COBL: variants seen among roughly 807,000 people sequenced by gnomAD.
COBL encodes the protein cordon-bleu WH2 repeat protein.
COBL carries 51 observed loss-of-function variants against 98.8 expected under a neutral mutation model. The observed-to-expected ratio is 0.52, with a 90% CI of 0.41 to 0.65. The LOEUF is 0.65. Among genes scored for constraint, COBL ranks in the 30% least tolerant of loss-of-function variants. The pLI is 0.00. For synonymous variants in COBL, 634 were observed against 651.7 expected, an observed-to-expected ratio of 0.97 and a Z score of 0.41; for missense variants, 1,617 against 1,617.5, an observed-to-expected ratio of 1.00 and a Z score of 0.01.
chr7:51,052,503 C>A (rs1790341790), intron 7 of COBL, among the ~76,000 whole-genome samples: 1 of 152,188 alleles, frequency 6.6e-6, no homozygotes. Flanking sequence ...ATTTCTGGGG[C>A]CTCACCTTTG....
chr7:51,226,110 A>C (rs1341654656), intron 1 of COBL, among the ~76,000 whole-genome samples: 1 of 152,182 alleles, frequency 6.6e-6, no homozygotes, highest in Non-Finnish European at 1.5e-5. Flanking sequence ...AGAAAAGTGG[A>C]CTGGGAAATC....
At chr7:51,211,690 G>A (rs1037910679) in intron 2 of COBL, among the ~76,000 whole-genome samples, 4 of 152,192 alleles carry the variant, frequency 2.6e-5, no homozygotes, top group South Asian at 2.1e-4. Context: ...GCAGAATAGA[G>A]TTTCTCCAAT....
intron 6 of COBL, among the ~76,000 whole-genome samples, chr7:51,087,685 A>G (rs1794410590): frequency 6.7e-6 from 1 of 149,984 alleles, no homozygotes; most frequent in African/African-American, 2.5e-5. Context: ...TGTTGGCCAG[A>G]CTGGTCTTGA....
chr7:51,074,147 T>C (rs546264299), intron 7 of COBL, among the ~76,000 whole-genome samples: 1 of 152,000 alleles, frequency 6.6e-6, no homozygotes, highest in Non-Finnish European at 1.5e-5. Context: ...GAATGCCTGA[T>C]TCATAATCTC....
At chr7:51,105,094 C>A (rs994079465) in intron 6 of COBL, among the ~76,000 whole-genome samples, 1 of 151,950 alleles carries the variant, frequency 6.6e-6, no homozygotes, top group Non-Finnish European at 1.5e-5. Context: ...CCATATTACT[C>A]GACCACTGAG....
intron 8 of COBL, among the ~76,000 whole-genome samples, chr7:51,037,735 C>T (rs1300086675): frequency 3.3e-5 from 5 of 152,230 alleles, no homozygotes; most frequent in Non-Finnish European, 5.9e-5. Context: ...GTTCCCTTTA[C>T]AAGGTCAAAT....
At chr7:51,187,299 T>C (rs886355341) in intron 4 of COBL, among the ~76,000 whole-genome samples, 5 of 139,194 alleles carry the variant, frequency 3.6e-5, no homozygotes, top group African/African-American at 5.5e-5. Flanking sequence ...TACATATATG[T>C]ATATGTTTAA....
intron 12 of COBL, among the ~76,000 whole-genome samples, chr7:51,019,962 C>G (rs1382069812): frequency 6.6e-6 from 1 of 152,194 alleles, no homozygotes; most frequent in Non-Finnish European, 1.5e-5. Flanking sequence ...CCTCCTGTTA[C>G]TGTCACATGT....
intron 6 of COBL, 128 bp downstream of exon 6, chr7:51,136,030 C>G (rs1799201100): frequency 1.7e-6 from 2 of 1,196,072 alleles, no homozygotes; most frequent in African/African-American, 3.1e-5. Context: ...AGCTTAAATA[C>G]TTGCCCCCAA....
chr7:51,028,715 G>C lies in COBL; in HGVS notation c.2381C>G (p.Thr794Ser). 6.2e-7 allele frequency: 1 copy of C among 1,614,088 alleles called. No homozygotes were observed. Among genetic ancestry groups the C allele is most frequent in the Non-Finnish European group, 8.5e-7 (1 of 1,179,976 alleles). ...ATTCTGCGTCTGCGTGGGCACAGGG[G>C]TGGAGGGGGGTCCCCTGGCAGAGCT... ...SESSARGPPS[T>S]PVPTQTQNPE... The change falls in exon 10 of 13, where the codon ACC becomes AGC. Residue 794 changes from threonine (T) to serine (S), a missense_variant. By Grantham distance (58) the Thr-to-Ser change is moderately conservative. Coordinates refer to ENST00000265136, the MANE Select transcript of COBL (RefSeq NM_015198.5).
chr7:51,150,839 T>G (rs939039604), intron 5 of COBL, among the ~76,000 whole-genome samples: 2 of 152,184 alleles, frequency 1.3e-5, no homozygotes, highest in Non-Finnish European at 2.9e-5. Flanking sequence ...TCTATTTTTC[T>G]TAGCACAAAA....
At chr7:51,106,820 GGCAT>G (rs1234507186) in intron 6 of COBL, among the ~76,000 whole-genome samples, 3 of 151,962 alleles carry the variant, frequency 2.0e-5, no homozygotes, top group African/African-American at 7.3e-5. Flanking sequence ...AAAAATACTG[GGCAT>G]GCTTCATGGA....
intron 7 of COBL, among the ~76,000 whole-genome samples, chr7:51,062,785 G>T (rs908642016): frequency 6.6e-6 from 1 of 152,208 alleles, no homozygotes; most frequent in African/African-American, 2.4e-5. Context: ...ACCAGGGACT[G>T]CGTCTGCAGG....
At chr7:51,125,721 C>T (rs1419754387) in intron 6 of COBL, among the ~76,000 whole-genome samples, 2 of 152,056 alleles carry the variant, frequency 1.3e-5, no homozygotes, top group Admixed American at 1.3e-4. Context: ...TGGCACTTTC[C>T]CCACATATTC....
chr7:51,080,258 A>G (rs182900319), intron 7 of COBL, among the ~76,000 whole-genome samples: 1 of 152,352 alleles, frequency 6.6e-6, no homozygotes, highest in East Asian at 1.9e-4. Context: ...ATCTGCGCAC[A>G]AATCCATTAT....
At chr7:51,061,586 G>A (rs754453510) in intron 7 of COBL, among the ~76,000 whole-genome samples, 10 of 152,258 alleles carry the variant, frequency 6.6e-5, no homozygotes, top group South Asian at 2.1e-4. Flanking sequence ...GTTCGGGTAC[G>A]TGGTGAAACG....
intron 6 of COBL, among the ~76,000 whole-genome samples, chr7:51,134,846 T>C (rs947236651): frequency 6.6e-6 from 1 of 152,190 alleles, no homozygotes; most frequent in Non-Finnish European, 1.5e-5. Flanking sequence ...CATGGATGCA[T>C]ACAACAAAAA....
chr7:51,182,947 T>C (rs947205782), intron 5 of COBL, among the ~76,000 whole-genome samples: 1 of 152,172 alleles, frequency 6.6e-6, no homozygotes, highest in Non-Finnish European at 1.5e-5. Flanking sequence ...CTCATCTGGC[T>C]CTCACTCTCC....
chr7:51,187,873 C>T, intron 4 of COBL: 3 of 1,223,206 alleles, frequency 2.5e-6, no homozygotes, highest in Non-Finnish European at 3.1e-6. Context: ...ATGCATAGTG[C>T]AGCCTCACAG....
Sources: gnomAD v4.1 joint callset for allele counts (sites outside exome capture counted in the v4.1 genomes callset) on GRCh38, gnomAD v4.1.1 for gene constraint, MANE v1.5 for transcripts, NCBI Gene and HGNC (gene_info 2026-07-23, HGNC 2026-07-21) for gene names.